Variants in CELF2 observed in about 807,000 individuals in gnomAD.
The protein encoded by CELF2 is CUGBP Elav-like family member 2.
In CELF2, 8 loss-of-function variants were observed where a neutral mutation model predicts 62.6. The observed-to-expected ratio is 0.13, with a 90% CI of 0.07 to 0.23. The LOEUF (loss-of-function observed/expected upper bound fraction) is 0.23. CELF2 is among the 10% of genes least tolerant of loss of function. CELF2 has a pLI of 1.00. For missense variants in CELF2, 333 were observed against 671.0 expected (o/e 0.50, Z 5.56); for synonymous variants, 258 against 250.0 (o/e 1.03, Z -0.30).
At chr10:10,781,023 C>T in the CELF2 span, among the ~76,000 whole-genome samples, 1 of 152,154 alleles carries the variant, frequency 6.6e-6, no homozygotes, top group African/African-American at 2.4e-5. Context: ...CACAGAAATG[C>T]TCAGAAAGCA....
At chr10:11,144,979 G>A (rs897944477) in intron 1 of CELF2, among the ~76,000 whole-genome samples, 1 of 150,242 alleles carries the variant, frequency 6.7e-6, no homozygotes, top group African/African-American at 2.4e-5. Flanking sequence ...ATGCGAAGCT[G>A]TAAGACTTTC....
At chr10:11,320,925 CA>C (rs2095407844) in intron 10 of CELF2, 1 of 1,548,248 alleles carries the variant, frequency 6.5e-7, no homozygotes, top group Non-Finnish European at 8.7e-7. Context: ...CGCTGCATGG[CA>C]TTGAGCTGTC....
chr10:11,323,728 G>T (rs750028309), intron 11 of CELF2, among the ~76,000 whole-genome samples: 47 of 152,164 alleles, frequency 3.1e-4, no homozygotes, highest in Non-Finnish European at 6.2e-4. Flanking sequence ...GTGTAACAGA[G>T]AATCTAACAA....
At chr10:10,879,659 T>G (rs548367108) in intron 1 of CELF2, among the ~76,000 whole-genome samples, 17 of 152,318 alleles carry the variant, frequency 1.1e-4, no homozygotes, top group Admixed American at 3.3e-4. Flanking sequence ...AAGAAATCCT[T>G]TCTTCGGCCC....
the CELF2 span, among the ~76,000 whole-genome samples, chr10:10,635,502 C>T: frequency 1.3e-5 from 2 of 152,136 alleles, no homozygotes; most frequent in Non-Finnish European, 2.9e-5. Flanking sequence ...ATGACTTTAA[C>T]TCTAGATTAA....
Position 11,328,748 on chromosome 10 carries a change from T to C in CELF2, c.1439-178T>C, listed in dbSNP as rs138397920. Among the ~76,000 whole-genome samples, 1 of 152,232 alleles carries C rather than the reference T, an allele frequency of 6.6e-6. No individual in the cohort carries two copies. Among genetic ancestry groups the C allele is most frequent in the African/African-American group, 2.4e-5 (1 of 41,520 alleles). On this transcript the variant is annotated intron_variant, in intron 12 of 12. Coordinates refer to ENST00000633077, the MANE Select transcript of CELF2 (RefSeq NM_001326342.2). The surrounding 1 kb of genome is among the most constrained non-coding windows in gnomAD (Gnocchi z 6.4). ...AGCCAGCTGCTCCACAGCTGCTCAGTGGGCACGCCCCATCATCCACTCACG... is the reference window on the plus strand; with the variant it reads ...AGCCAGCTGCTCCACAGCTGCTCAGCGGGCACGCCCCATCATCCACTCACG...
chr10:10,982,360 A>C (rs2052241761), intron 2 of CELF2, among the ~76,000 whole-genome samples: 1 of 151,874 alleles, frequency 6.6e-6, no homozygotes, highest in Non-Finnish European at 1.5e-5. Context: ...GTTACCCCAA[A>C]CCCCCACAGA....
intron 2 of CELF2, among the ~76,000 whole-genome samples, chr10:11,212,486 C>T (rs1164927054): frequency 6.6e-6 from 1 of 152,236 alleles, no homozygotes; most frequent in Non-Finnish European, 1.5e-5. Flanking sequence ...CCAGTAAGAT[C>T]TGGTGTATTT....
At chr10:10,962,159 G>A (rs781446888) in intron 2 of CELF2, among the ~76,000 whole-genome samples, 1 of 152,052 alleles carries the variant, frequency 6.6e-6, no homozygotes, top group Admixed American at 6.6e-5. Context: ...AGGAAGACGA[G>A]AAAAGAAAAG....
intron 1 of CELF2, among the ~76,000 whole-genome samples, chr10:10,830,865 C>T (rs1023660966): frequency 6.6e-6 from 1 of 152,202 alleles, no homozygotes; most frequent in Non-Finnish European, 1.5e-5. Flanking sequence ...GTTTTTATCA[C>T]AGTGGTACAC....
At chr10:10,891,283 G>A (rs868211892) in intron 1 of CELF2, among the ~76,000 whole-genome samples, 28 of 152,130 alleles carry the variant, frequency 1.8e-4, no homozygotes, top group South Asian at 4.2e-4. Context: ...GGCGTCTGGG[G>A]AGCAAGCAAC....
At chr10:11,201,423 GT>G (rs1320692682) in intron 2 of CELF2, among the ~76,000 whole-genome samples, 2 of 152,192 alleles carry the variant, frequency 1.3e-5, no homozygotes, top group African/African-American at 4.8e-5. Flanking sequence ...GTGTGTGTGT[GT>G]GTTTTGTTAC....
the CELF2 span, among the ~76,000 whole-genome samples, chr10:10,777,103 G>T: frequency 1.3e-5 from 2 of 152,124 alleles, no homozygotes; most frequent in African/African-American, 4.8e-5. Flanking sequence ...CCATGCACCC[G>T]CTGTGGTCAG....
At chr10:10,563,747 A>C in the CELF2 span, among the ~76,000 whole-genome samples, 5 of 152,148 alleles carry the variant, frequency 3.3e-5, no homozygotes, top group African/African-American at 1.2e-4. Context: ...TGTTCTGTGA[A>C]GGTCCATTCT....
chr10:10,651,815 C>T, the CELF2 span, among the ~76,000 whole-genome samples: 1 of 151,816 alleles, frequency 6.6e-6, no homozygotes, highest in African/African-American at 2.4e-5. Context: ...AGCAGAGCGC[C>T]TCTCCTCCTC....
chr10:11,323,856 T>G (rs2095582681), intron 11 of CELF2, among the ~76,000 whole-genome samples: 1 of 152,158 alleles, frequency 6.6e-6, no homozygotes, highest in Admixed American at 6.5e-5. Context: ...AAAAAAGGTA[T>G]TTTGTTTTTT....
chr10:10,521,529 T>A, the CELF2 span, among the ~76,000 whole-genome samples: 1 of 152,226 alleles, frequency 6.6e-6, no homozygotes, highest in African/African-American at 2.4e-5. Flanking sequence ...TAAGTACTTT[T>A]AATGCATTTT....
At chr10:11,047,606 A>G (rs1482999325) in intron 1 of CELF2, among the ~76,000 whole-genome samples, 3 of 152,184 alleles carry the variant, frequency 2.0e-5, no homozygotes, top group Non-Finnish European at 4.4e-5. Flanking sequence ...CCTCAGAGGT[A>G]TTAAAGCTGC....
intron 1 of CELF2, chr10:11,074,810 A>G (rs938333146): frequency 1.3e-5 from 2 of 152,190 alleles, no homozygotes; most frequent in African/African-American, 2.4e-5. Context: ...CTAGGAAAAT[A>G]TCCATTTCCT....
Sources: gnomAD v4.1 joint callset for allele counts (sites outside exome capture counted in the v4.1 genomes callset) on GRCh38, gnomAD v4.1.1 for gene constraint, Gnocchi (gnomAD v3.1) non-coding constraint, MANE v1.5 for transcripts, NCBI Gene and HGNC (gene_info 2026-07-23, HGNC 2026-07-21) for gene names.